Variants in THSD4 observed in about 807,000 individuals in gnomAD.
THSD4 encodes the protein thrombospondin type-1 domain-containing protein 4.
THSD4 carries 69 observed loss-of-function variants against 119.0 expected under a neutral mutation model. The ratio of observed to expected loss-of-function variants is 0.58; its 90% CI spans 0.48 to 0.71. The LOEUF (loss-of-function observed/expected upper bound fraction) is 0.71. Among genes scored for constraint, THSD4 ranks in the 30% least tolerant of loss-of-function variants. The pLI is 0.00. For missense variants in THSD4, 1,393 were observed against 1,391.1 expected, an observed-to-expected ratio of 1.00 and a Z score of -0.02; for synonymous variants, 524 against 540.4, an observed-to-expected ratio of 0.97 and a Z score of 0.42.
At chr15:71,268,231 A>G (rs370131414) in intron 6 of THSD4, among the ~76,000 whole-genome samples, 11 of 152,260 alleles carry the variant, frequency 7.2e-5, no homozygotes, top group Admixed American at 6.5e-4. Flanking sequence ...CTCAGCAAAT[A>G]CAAAAGAACG....
intron 6 of THSD4, among the ~76,000 whole-genome samples, chr15:71,310,725 G>C (rs1293935837): frequency 6.6e-6 from 1 of 152,146 alleles, no homozygotes; most frequent in East Asian, 1.9e-4. Context: ...CATTGGGAAA[G>C]TTAGAAATAT....
In THSD4 at chr15:71,314,185, G is replaced by T. The variant is rs182751666; in HGVS notation, c.1015+57470G>T. ...ATAGTTACAGTTTACTGAGAAAGAG[G>T]TTGAATTATATCTTGATTTTTTTTT... is the stretch of plus-strand genomic sequence containing the variant. On this transcript the variant is annotated intron_variant, in intron 6 of 17. Transcript: ENST00000261862. 1.4e-3 allele frequency among the ~76,000 whole-genome samples: 212 copies of T among 152,140 alleles called. 2 individuals carry two copies. The highest frequency in any genetic ancestry group is 5.0e-3 in the African/African-American group (206 of 41,488).
intron 5 of THSD4, among the ~76,000 whole-genome samples, chr15:71,246,970 A>C (rs917161190): frequency 3.5e-5 from 5 of 143,998 alleles, no homozygotes; most frequent in African/African-American, 1.3e-4. Context: ...GGTCACTACA[A>C]CCTCCACCTC....
chr15:71,121,362 AC>A, intron 1 of THSD4, among the ~76,000 whole-genome samples: 1 of 146,630 alleles, frequency 6.8e-6, no homozygotes, highest in African/African-American at 2.5e-5. Flanking sequence ...GTTAGCTATC[AC>A]TTTTTTTTTT....
intron 7 of THSD4, among the ~76,000 whole-genome samples, chr15:71,580,128 T>A (rs1039883842): frequency 6.6e-6 from 1 of 152,124 alleles, no homozygotes; most frequent in Admixed American, 6.5e-5. Context: ...GAAGTATAGA[T>A]GTCATGCTAG....
intron 8 of THSD4, among the ~76,000 whole-genome samples, chr15:71,717,365 G>GA (rs2052629748): frequency 6.6e-6 from 1 of 152,148 alleles, no homozygotes; most frequent in Admixed American, 6.5e-5. Context: ...AAAGCAAAGG[G>GA]AAAACCCAGT....
At chr15:71,555,942 T>A (rs2049009117) in intron 7 of THSD4, among the ~76,000 whole-genome samples, 1 of 152,210 alleles carries the variant, frequency 6.6e-6, no homozygotes, top group Admixed American at 6.5e-5. Context: ...GGGCCATTTC[T>A]TTTCAGTACC....
intron 1 of THSD4, among the ~76,000 whole-genome samples, chr15:71,120,775 CAA>C (rs1334075350): frequency 6.6e-6 from 1 of 152,222 alleles, no homozygotes; most frequent in Non-Finnish European, 1.5e-5. Flanking sequence ...GCTTGAAAGA[CAA>C]GAGGAAATGA....
At position 71,242,691 on chromosome 15, in the gene THSD4, T is replaced by C; in HGVS notation, c.507T>C (p.Tyr169=). ...CCATTGGCCCTGGCAAGTATGGCTA[T>C]GGTAAGGCCCCATATATCTTACCAC... The part of the protein sequence containing the change: ...RGTIGPGKYG[Y]GKAPYILPLQ... The change falls in exon 5 of 18, where the codon TAT becomes TAC. Residue 169 remains tyrosine, a synonymous_variant. Transcript: ENST00000261862. 1 of 1,614,198 alleles carries C rather than the reference T, an allele frequency of 6.2e-7. No individual in the cohort carries two copies. Among genetic ancestry groups the C allele is most frequent in the Non-Finnish European group, 8.5e-7 (1 of 1,180,028 alleles).
At chr15:71,350,309 G>A (rs191880181) in intron 6 of THSD4, among the ~76,000 whole-genome samples, 2 of 152,178 alleles carry the variant, frequency 1.3e-5, no homozygotes, top group Admixed American at 1.3e-4. Context: ...AGGATATGGT[G>A]TCTGTTTAAT....
At chr15:71,652,874 C>A (rs1459636336) in intron 7 of THSD4, among the ~76,000 whole-genome samples, 1 of 152,202 alleles carries the variant, frequency 6.6e-6, no homozygotes, top group African/African-American at 2.4e-5. Flanking sequence ...TTCTTCTCTT[C>A]AAATGAATGG....
chr15:71,541,736 T>C (rs12148628), intron 7 of THSD4, among the ~76,000 whole-genome samples: 30,694 of 152,152 alleles, frequency 0.2, 3,581 homozygotes, highest in Admixed American at 0.28. Flanking sequence ...ATTTGGTGCT[T>C]ATGAACAATT....
At chr15:71,199,967 C>T (rs1490639592) in intron 3 of THSD4, among the ~76,000 whole-genome samples, 1 of 89,810 alleles carries the variant, frequency 1.1e-5, no homozygotes, top group East Asian at 3.0e-4. Context: ...TCTGTTGTCT[C>T]CTGGTGGGCA....
chr15:71,672,973 G>C (rs1187211498), intron 8 of THSD4, among the ~76,000 whole-genome samples: 1 of 152,142 alleles, frequency 6.6e-6, no homozygotes, highest in Admixed American at 6.5e-5. Context: ...TCTCTGCCAG[G>C]CTTTGGTATC....
intron 7 of THSD4, among the ~76,000 whole-genome samples, chr15:71,433,724 C>T (rs2046970798): frequency 2.0e-5 from 3 of 152,102 alleles, no homozygotes; most frequent in Non-Finnish European, 4.4e-5. Context: ...GAGGATCCAA[C>T]CCTTCCCAAC....
At chr15:71,424,525 G>A (rs1231225510) in intron 7 of THSD4, among the ~76,000 whole-genome samples, 1 of 152,096 alleles carries the variant, frequency 6.6e-6, no homozygotes, top group African/African-American at 2.4e-5. Flanking sequence ...AGGATGTATT[G>A]GAAGCCTGCA....
intron 7 of THSD4, among the ~76,000 whole-genome samples, chr15:71,631,184 A>G (rs1312090205): frequency 1.3e-5 from 2 of 152,146 alleles, no homozygotes; most frequent in African/African-American, 4.8e-5. Flanking sequence ...AACATTCAAC[A>G]AGTTGTCATG....
At position 71,780,996 on chromosome 15, in the gene THSD4, AATG is replaced by A. The variant is rs1376233021; in HGVS notation, c.*3624_*3626del. 3 of 343,402 alleles carry A rather than the reference AATG, an allele frequency of 8.7e-6. No individual in the cohort carries two copies. The highest frequency in any genetic ancestry group is 1.7e-5 in the Non-Finnish European group (3 of 173,928). The allele number at this position is 343,402 out of a possible 1,614,324, so 21.3% of individuals were successfully genotyped here. On this transcript the variant is annotated 3_prime_UTR_variant, in exon 18 of 18. Transcript: ENST00000261862. ...ACTTTATAGTTGGAATATCAATTCT[AATG>A]AGGAGGAAGACATAAATATAAGTGG... is the stretch of plus-strand genomic sequence containing the variant.
At chr15:71,266,622 A>G (rs2044468459) in intron 6 of THSD4, among the ~76,000 whole-genome samples, 1 of 152,022 alleles carries the variant, frequency 6.6e-6, no homozygotes, top group African/African-American at 2.4e-5. Context: ...TGATGAATTG[A>G]CAGAAGTAGG....
Sources: allele counts gnomAD v4.1 joint callset (sites outside exome capture counted in the v4.1 genomes callset), GRCh38; gene constraint gnomAD v4.1.1; transcripts MANE v1.5; gene names NCBI Gene and HGNC (gene_info 2026-07-23, HGNC 2026-07-21).